FBXL18: variants seen among roughly 807,000 people sequenced by gnomAD.
The protein encoded by FBXL18 is F-box and leucine rich repeat protein 18.
FBXL18 carries 36 observed loss-of-function variants against 46.0 expected under a neutral mutation model. The observed-to-expected ratio is 0.78, with a 90% CI of 0.60 to 1.03. The LOEUF is 1.03. Ranked by LOEUF, FBXL18 falls within the 50% of genes least tolerant of loss-of-function variation. The probability of loss-of-function intolerance (pLI) is 0.00; values close to 1 mark genes in which losing one functional copy is unlikely to be tolerated. For synonymous variants in FBXL18, 557 were observed against 465.3 expected (o/e 1.20, Z -2.54); for missense variants, 977 against 1,004.1 (o/e 0.97, Z 0.36).
Position 5,495,055 on chromosome 7 carries a change from G to A in FBXL18, c.1782-3606C>T, listed in dbSNP as rs534846814. 3.3e-3 allele frequency among the ~76,000 whole-genome samples: 508 copies of A among 152,264 alleles called. 4 individuals carry two copies. The highest frequency in any genetic ancestry group is 0.012 in the African/African-American group (491 of 41,560). On this transcript the variant is annotated intron_variant, in intron 3 of 4. Coordinates refer to ENST00000382368, the MANE Select transcript of FBXL18 (RefSeq NM_024963.6). ...CCGCCTGGGGCACGGCACCCAGGAC[G>A]GTGGCAGAGCTGACCTGACTCGAGT...
chr7:5,468,413 A>G (rs142191437), intron 4 of FBXL18, among the ~76,000 whole-genome samples: 1,733 of 152,204 alleles, frequency 0.011, 10 homozygotes, highest in Non-Finnish European at 0.019. Context: ...CACCACGCCC[A>G]GCCACCTCAG....
intron 4 of FBXL18, among the ~76,000 whole-genome samples, chr7:5,469,833 A>G (rs945102034): frequency 6.6e-6 from 1 of 151,140 alleles, no homozygotes; most frequent in African/African-American, 2.4e-5. Flanking sequence ...TGTGTGTGAT[A>G]TGGGTGTGAC....
intron 3 of FBXL18, 69 bp from the exon 4 acceptor site, chr7:5,491,518 G>A (rs1337268004): frequency 1.5e-6 from 2 of 1,362,744 alleles, no homozygotes; most frequent in Non-Finnish European, 2.0e-6. Context: ...TGGGCGTCTG[G>A]AGGTGCTGCC....
At position 5,455,856 on chromosome 7, in the gene FBXL18, C is replaced by G. The variant is rs375894380; in HGVS notation, c.2001-8013G>C. On this transcript the variant is annotated intron_variant and NMD_transcript_variant, in intron 4 of 6. Coordinates refer to the FBXL18 transcript ENST00000415009. The surrounding 1 kb of genome is among the most constrained non-coding windows in gnomAD (Gnocchi z 4.6). ...CACACTCTTCTCCATATGACCCCAG[C>G]CAATGAGCGGGCGAGACCTGGCCAT... Among the ~76,000 whole-genome samples the G allele has an allele frequency of 5.9e-5, 9 of 152,102 alleles. No homozygotes were observed. In the East Asian group the frequency reaches 1.4e-3, roughly 23 times the overall value.
intron 3 of FBXL18, among the ~76,000 whole-genome samples, chr7:5,499,319 T>C (rs1178844052): frequency 6.8e-6 from 1 of 146,068 alleles, no homozygotes; most frequent in Admixed American, 6.8e-5. Context: ...CCTCCCATTG[T>C]GCCCTGGACC....
downstream of FBXL18, among the ~76,000 whole-genome samples, chr7:5,472,680 C>A (rs542239791): frequency 5.9e-5 from 9 of 152,302 alleles, no homozygotes; most frequent in East Asian, 1.7e-3. Flanking sequence ...CATTGACCAC[C>A]AGACCTGCGA....
chr7:5,461,026 G>T (rs566194811), intron 4 of FBXL18, among the ~76,000 whole-genome samples: 36 of 152,284 alleles, frequency 2.4e-4, no homozygotes, highest in Admixed American at 2.0e-3. Flanking sequence ...TGCTGTGTTT[G>T]CACCATAAAT....
intron 4 of FBXL18, among the ~76,000 whole-genome samples, chr7:5,465,585 C>T (rs1046647193): frequency 7.2e-5 from 11 of 152,014 alleles, no homozygotes; most frequent in Non-Finnish European, 1.0e-4. Context: ...AACAGTCCTC[C>T]CACCTCACAC....
intron 4 of FBXL18, among the ~76,000 whole-genome samples, chr7:5,454,912 T>C (rs1405135494): frequency 6.6e-6 from 1 of 152,164 alleles, no homozygotes; most frequent in Non-Finnish European, 1.5e-5. Flanking sequence ...CCGCTGTTGT[T>C]TGGGATTTTC....
intron 4 of FBXL18, among the ~76,000 whole-genome samples, chr7:5,487,067 C>G (rs1303225176): frequency 1.3e-5 from 2 of 152,270 alleles, no homozygotes; most frequent in Non-Finnish European, 2.9e-5. Context: ...CCAGCGCCAC[C>G]TGCTGGGCCT....
At chr7:5,502,104 C>CG in intron 2 of FBXL18, 73 bp from the exon 3 acceptor site, 1 of 1,076,164 alleles carries the variant, frequency 9.3e-7, no homozygotes, top group South Asian at 1.5e-5. Flanking sequence ...ACCCTCAGTG[C>CG]GCACACTCCC....
chr7:5,481,567 C>T lies in FBXL18; in HGVS notation c.*208G>A, dbSNP rs139102528. The T allele has an allele frequency of 6.2e-5, 35 of 566,626 alleles. No individual in the cohort carries two copies. In the East Asian group the frequency reaches 9.0e-4, roughly 15 times the overall value. The allele number at this position is 566,626 out of a possible 1,614,324, so 35.1% of individuals were successfully genotyped here. A position where few individuals can be genotyped will look rare whatever the true frequency, so the allele number is the denominator to read the frequency against. On this transcript the variant is annotated 3_prime_UTR_variant, in exon 5 of 5. Transcript: ENST00000382368. Reference sequence around the variant, plus strand: ...CGTCCCCCGAGCCCCCTCATGTCACCCAGAACGCATCCCCTCGACCTAAAC... The same window carrying T: ...CGTCCCCCGAGCCCCCTCATGTCACTCAGAACGCATCCCCTCGACCTAAAC...
At chr7:5,461,361 G>A (rs1211105058) in intron 4 of FBXL18, among the ~76,000 whole-genome samples, 1 of 152,198 alleles carries the variant, frequency 6.6e-6, no homozygotes, top group Admixed American at 6.5e-5. Context: ...GAGCCCAGGA[G>A]TTCCAGACCA....
intron 3 of FBXL18, among the ~76,000 whole-genome samples, chr7:5,494,866 A>T (rs1165292237): frequency 6.6e-6 from 1 of 152,130 alleles, no homozygotes; most frequent in African/African-American, 2.4e-5. Context: ...AAGTCTGCAG[A>T]GCGTGGAAAA....
Position 5,498,251 on chromosome 7 carries a change from C to T in FBXL18, c.1781+2237G>A, listed in dbSNP as rs543898593. Among the ~76,000 whole-genome samples the T allele has an allele frequency of 1.4e-4, 22 of 152,104 alleles. No homozygotes were observed. The East Asian group carries it at 3.9e-3, about 27-fold the overall frequency. ...TACAGGCGCCCACCACCACGCCCAG[C>T]TAATTTTTTGTATTTTTAGTAGAGA... On this transcript the variant is annotated intron_variant, in intron 3 of 4. Transcript: ENST00000382368.
In FBXL18 at chr7:5,477,567, T is replaced by C. The variant is rs1294084303; in HGVS notation, c.*4208A>G. Among the ~76,000 whole-genome samples, 1 of 152,144 alleles carries C rather than the reference T, an allele frequency of 6.6e-6. No individual in the cohort carries two copies. The highest frequency in any genetic ancestry group is 1.5e-5 in the Non-Finnish European group (1 of 68,032). On this transcript the variant is annotated 3_prime_UTR_variant, in exon 5 of 5. Transcript: ENST00000382368. This position sits in a 1 kb window ranked among gnomAD's most constrained non-coding sequence, Gnocchi z 4.4. ...AAATACAAAAATTAGCCGGTCATGA[T>C]GGCAGGTGCCTGTAATCCCAGCTAC...
At chr7:5,509,192 C>CA (rs35365443) in intron 1 of FBXL18, among the ~76,000 whole-genome samples, 1,085 of 103,266 alleles carry the variant, frequency 0.011, 11 homozygotes, top group African/African-American at 0.037. Context: ...GACTCTGTCT[C>CA]AAAAAAAAAA....
At chr7:5,491,674 T>A (rs1366020131) in intron 3 of FBXL18, among the ~76,000 whole-genome samples, 1 of 152,164 alleles carries the variant, frequency 6.6e-6, no homozygotes, top group Non-Finnish European at 1.5e-5. Flanking sequence ...GTGGGCCTGA[T>A]GCAAGCAGCC....
At chr7:5,465,567 T>G (rs1404836310) in intron 4 of FBXL18, among the ~76,000 whole-genome samples, 1 of 151,872 alleles carries the variant, frequency 6.6e-6, no homozygotes, top group African/African-American at 2.4e-5. Flanking sequence ...TTTGAACTCC[T>G]GGACTCAAAC....
Sources: gnomAD v4.1 joint callset for allele counts (sites outside exome capture counted in the v4.1 genomes callset) on GRCh38, gnomAD v4.1.1 for gene constraint, Gnocchi (gnomAD v3.1) non-coding constraint, MANE v1.5 for transcripts, NCBI Gene and HGNC (gene_info 2026-07-23, HGNC 2026-07-21) for gene names.